The following MBD5 variants were observed in gnomAD, a reference collection of about 807,000 sequenced individuals.
MBD5 encodes methyl-CpG-binding domain protein 5.
A neutral mutation model predicts 117.3 loss-of-function variants in MBD5; 13 were observed. That is an observed-to-expected ratio of 0.11 (90% CI 0.07 to 0.18). The LOEUF (loss-of-function observed/expected upper bound fraction) is 0.18, where lower values mean the gene tolerates loss of function less well. MBD5 is among the 10% of genes least tolerant of loss of function. The probability of loss-of-function intolerance (pLI) is 1.00; values close to 1 mark genes in which losing one functional copy is unlikely to be tolerated. For missense variants in MBD5, 1,879 were observed against 2,093.8 expected (o/e 0.90, Z 2.00); for synonymous variants, 727 against 766.4 (o/e 0.95, Z 0.85).
intron 3 of MBD5, among the ~76,000 whole-genome samples, chr2:148,332,366 T>C (rs1377511607): frequency 1.3e-5 from 2 of 152,180 alleles, no homozygotes; most frequent in African/African-American, 4.8e-5. Flanking sequence ...ATTTGCTTGG[T>C]TCTCTATGTA....
chr2:148,276,064 C>T (rs1056798009), intron 3 of MBD5, among the ~76,000 whole-genome samples: 34 of 152,220 alleles, frequency 2.2e-4, no homozygotes, highest in African/African-American at 7.9e-4. Flanking sequence ...GTATTCCCAG[C>T]ACTTTGGGAG....
At chr2:148,492,373 C>G (rs1488018827) in intron 11 of MBD5, among the ~76,000 whole-genome samples, 1 of 151,930 alleles carries the variant, frequency 6.6e-6, no homozygotes, top group Non-Finnish European at 1.5e-5. Context: ...CTGACCTTGT[C>G]ATTTTGGATT....
intron 4 of MBD5, among the ~76,000 whole-genome samples, chr2:148,352,156 A>G (rs1275436096): frequency 6.6e-6 from 1 of 152,036 alleles, no homozygotes; most frequent in Non-Finnish European, 1.5e-5. Flanking sequence ...TAGCTTTGTT[A>G]TAAAAGTAGC....
chr2:148,032,409 G>T (rs1451383357), intron 1 of MBD5, among the ~76,000 whole-genome samples: 2 of 151,864 alleles, frequency 1.3e-5, no homozygotes, highest in African/African-American at 2.4e-5. Context: ...ATTTTTTTTT[G>T]GAGGAAGTGT....
intron 3 of MBD5, among the ~76,000 whole-genome samples, chr2:148,313,389 G>T (rs753922003): frequency 1.3e-5 from 2 of 152,178 alleles, no homozygotes; most frequent in Admixed American, 1.3e-4. Context: ...TGGCTACAGC[G>T]GCTTTGCCAA....
chr2:148,494,420 A>G (rs1681631094), intron 11 of MBD5, among the ~76,000 whole-genome samples: 1 of 152,214 alleles, frequency 6.6e-6, no homozygotes, highest in South Asian at 2.1e-4. Flanking sequence ...ATGTTTCTAA[A>G]AAAAAACAAC....
chr2:148,243,548 G>T (rs1290769453), intron 3 of MBD5, among the ~76,000 whole-genome samples: 1 of 151,658 alleles, frequency 6.6e-6, no homozygotes, highest in Non-Finnish European at 1.5e-5. Context: ...TACCAATAAA[G>T]TAAAATATTT....
At chr2:148,046,949 C>G (rs992542073) in intron 1 of MBD5, among the ~76,000 whole-genome samples, 1 of 152,186 alleles carries the variant, frequency 6.6e-6, no homozygotes, top group Non-Finnish European at 1.5e-5. Flanking sequence ...AGCTTCATCT[C>G]CCATTACTTT....
At chr2:148,456,053 G>A (rs991308722) in intron 4 of MBD5, among the ~76,000 whole-genome samples, 2 of 152,056 alleles carry the variant, frequency 1.3e-5, no homozygotes, top group South Asian at 4.1e-4. Flanking sequence ...CATCCCTCCC[G>A]TCCTCTTTCC....
chr2:148,144,287 T>C (rs1178084825), intron 1 of MBD5, among the ~76,000 whole-genome samples: 7 of 151,948 alleles, frequency 4.6e-5, no homozygotes, highest in Non-Finnish European at 7.4e-5. Flanking sequence ...CACTTGTTGA[T>C]GGGGTTGTTT....
chr2:148,156,681 T>G (rs1697884670), intron 1 of MBD5, among the ~76,000 whole-genome samples: 2 of 152,340 alleles, frequency 1.3e-5, no homozygotes, highest in South Asian at 4.1e-4. Flanking sequence ...TATTTTAGCA[T>G]AGCGCCTTTC....
chr2:148,451,833 T>C (rs1452321792), intron 4 of MBD5, among the ~76,000 whole-genome samples: 1 of 152,190 alleles, frequency 6.6e-6, no homozygotes, highest in Non-Finnish European at 1.5e-5. Context: ...TTCCATAAGC[T>C]AAGTTTATAA....
At chr2:148,336,296 G>A (rs1324577452) in intron 3 of MBD5, among the ~76,000 whole-genome samples, 1 of 152,118 alleles carries the variant, frequency 6.6e-6, no homozygotes, top group African/African-American at 2.4e-5. Flanking sequence ...AGATAAATTT[G>A]AAGTTACTTG....
In MBD5 at chr2:148,183,561, G is replaced by T. The variant is rs565870382; in HGVS notation, c.-831+4768G>T. On this transcript the variant is annotated intron_variant, in intron 2 of 13. Transcript: ENST00000642680. Reference sequence around the variant, plus strand: ...GATGTATATATATCTCTCCTACAAAGAATCTTGTCCATTCTGACATCCCTT... The same window carrying T: ...GATGTATATATATCTCTCCTACAAATAATCTTGTCCATTCTGACATCCCTT... Among the ~76,000 whole-genome samples the T allele has an allele frequency of 4.6e-5, 7 of 151,316 alleles. No individual in the cohort carries two copies. The East Asian group carries it at 1.4e-3, about 29-fold the overall frequency.
chr2:148,226,199 G>A (rs1184521020), intron 2 of MBD5, among the ~76,000 whole-genome samples: 2 of 151,744 alleles, frequency 1.3e-5, no homozygotes, highest in African/African-American at 4.8e-5. Flanking sequence ...TGCCATGTTG[G>A]TGTGCTGTAC....
At chr2:148,412,735 T>C (rs1262589232) in intron 4 of MBD5, among the ~76,000 whole-genome samples, 2 of 152,106 alleles carry the variant, frequency 1.3e-5, no homozygotes, top group Non-Finnish European at 2.9e-5. Flanking sequence ...AATGGGATTG[T>C]GTTCCTGATT....
intron 1 of MBD5, among the ~76,000 whole-genome samples, chr2:148,141,983 A>C (rs1243106433): frequency 6.6e-6 from 1 of 151,914 alleles, no homozygotes; most frequent in African/African-American, 2.4e-5. Context: ...CTCAATAATA[A>C]TAATAATAAA....
intron 4 of MBD5, chr2:148,393,414 CA>C (rs764356957): frequency 1.8e-4 from 28 of 152,060 alleles, no homozygotes; most frequent in Non-Finnish European, 3.4e-4. Context: ...GTTAAAATAA[CA>C]AGACAGTAAA....
At chr2:148,081,827 A>C (rs994267167) in intron 1 of MBD5, among the ~76,000 whole-genome samples, 1 of 152,246 alleles carries the variant, frequency 6.6e-6, no homozygotes, top group Middle Eastern at 3.4e-3. Context: ...ACTGTAACTT[A>C]TGGTTTTGTG....
Sources: allele counts gnomAD v4.1 joint callset (sites outside exome capture counted in the v4.1 genomes callset), GRCh38; gene constraint gnomAD v4.1.1; transcripts MANE v1.5; gene names NCBI Gene and HGNC (gene_info 2026-07-23, HGNC 2026-07-21).